The following FBN1 variants were observed in gnomAD, a reference collection of about 807,000 sequenced individuals.
FBN1 encodes the protein fibrillin-1.
Under a neutral mutation model 365.1 loss-of-function variants are expected in FBN1, and 29 were observed. That is an observed-to-expected ratio of 0.08 (90% CI 0.06 to 0.11). The LOEUF (loss-of-function observed/expected upper bound fraction) is 0.11. Ranked by LOEUF, FBN1 falls within the 10% of genes least tolerant of loss-of-function variation. The pLI is 1.00. For missense variants in FBN1, 2,476 were observed against 3,703.2 expected (o/e 0.67, Z 8.60); for synonymous variants, 1,210 against 1,270.5 (o/e 0.95, Z 1.01).
chr15:48,589,554 G>C (rs1007133244), intron 6 of FBN1, among the ~76,000 whole-genome samples: 5 of 151,302 alleles, frequency 3.3e-5, no homozygotes, highest in East Asian at 1.9e-4. Flanking sequence ...TACCACTGTA[G>C]ACGCACAGTA....
At chr15:48,563,451 T>G (rs2044238918) in intron 6 of FBN1, among the ~76,000 whole-genome samples, 1 of 152,170 alleles carries the variant, frequency 6.6e-6, no homozygotes, top group Admixed American at 6.5e-5. Context: ...AAACCCTATC[T>G]ATTAAATCTG....
In FBN1 at chr15:48,420,825, C is replaced by T; in HGVS notation, c.7700-19G>A. 6.2e-7 allele frequency: 1 copy of T among 1,612,894 alleles called. No individual in the cohort carries two copies. ...TCCACGTCTGAAAAAGAAGCAGAGC[C>T]ACCATGATGCCAACTCAACATCTCT... On this transcript the variant is annotated intron_variant, in intron 62 of 65. Coordinates refer to ENST00000316623, the MANE Select transcript of FBN1 (RefSeq NM_000138.5).
chr15:48,459,026 T>C (rs2043261979), intron 43 of FBN1, among the ~76,000 whole-genome samples: 1 of 152,186 alleles, frequency 6.6e-6, no homozygotes, highest in African/African-American at 2.4e-5. Flanking sequence ...CTTGGGTGAG[T>C]CCCTTCCCCT....
intron 6 of FBN1, among the ~76,000 whole-genome samples, chr15:48,563,027 A>AT (rs2044235562): frequency 6.6e-6 from 1 of 152,156 alleles, no homozygotes; most frequent in Non-Finnish European, 1.5e-5. Flanking sequence ...AGCACAGACT[A>AT]TGTCTTCAAT....
intron 50 of FBN1, among the ~76,000 whole-genome samples, chr15:48,439,105 A>G (rs2043094016): frequency 6.6e-6 from 1 of 152,236 alleles, no homozygotes; most frequent in East Asian, 1.9e-4. Flanking sequence ...CATGACAAAG[A>G]AGACAATGTA....
intron 8 of FBN1, among the ~76,000 whole-genome samples, chr15:48,526,880 G>A (rs1034118690): frequency 5.3e-5 from 8 of 152,200 alleles, no homozygotes; most frequent in Admixed American, 5.2e-4. Context: ...TGGGAATACT[G>A]TCAACACACG....
At position 48,433,069 on chromosome 15, in the gene FBN1, A is replaced by C. The variant is rs530170946; in HGVS notation, c.6617-81T>G. On this transcript the variant is annotated intron_variant, in intron 54 of 65. Coordinates refer to ENST00000316623, the MANE Select transcript of FBN1 (RefSeq NM_000138.5). ...CTACCAATTGAACTAAAACTCTAAA[A>C]CTTTACCAAAAGTTGCAATGCTTCA... The C allele has an allele frequency of 6.7e-5, 103 of 1,526,878 alleles. No individual in the cohort carries two copies. In the African/African-American group the frequency reaches 1.1e-3, roughly 17 times the overall value. The allele number at this position is 1,526,878 out of a possible 1,614,324, so 94.6% of individuals were successfully genotyped here. A position where few individuals can be genotyped will look rare whatever the true frequency, so the allele number is the denominator to read the frequency against.
chr15:48,577,029 T>C (rs2044353324), intron 6 of FBN1, among the ~76,000 whole-genome samples: 1 of 152,202 alleles, frequency 6.6e-6, no homozygotes, highest in Non-Finnish European at 1.5e-5. Context: ...TAGCAATTCT[T>C]TTAGAACTCA....
rs1597540854 is a variant in FBN1 at position 48,456,681 on chromosome 15, C to T, written c.5378G>A (p.Cys1793Tyr). 6.2e-7 allele frequency: 1 copy of T among 1,614,004 alleles called. No individual in the cohort carries two copies. The highest frequency in any genetic ancestry group is 8.5e-7 in the Non-Finnish European group (1 of 1,179,918). ...INMVGSFRCE[C>Y]PVGFFYNDKL... ...GTCATTATAGAAGAATCCCACTGGA[C>T]ATTCACATCGGAAGCTGCCAACCAT... Residue 1793 changes from cysteine to tyrosine, a missense_variant, in exon 44 of 66, where the codon TGT becomes TAT. Physicochemically the swap from Cys to Tyr is radical, Grantham distance 194 (BLOSUM62 -2). Around this residue, in one of 5 missense-constraint regions of FBN1, gnomAD observed 1,780 missense variants for 2,840.8 expected, o/e 0.63. Transcript: ENST00000316623.
At chr15:48,614,886 G>A (rs1392194409) in intron 2 of FBN1, among the ~76,000 whole-genome samples, 3 of 152,136 alleles carry the variant, frequency 2.0e-5, no homozygotes, top group Non-Finnish European at 4.4e-5. Flanking sequence ...TCAGCCAGTG[G>A]AAACACAAGG....
chr15:48,527,147 T>A (rs958245971), intron 8 of FBN1, among the ~76,000 whole-genome samples: 5 of 152,324 alleles, frequency 3.3e-5, no homozygotes, highest in Admixed American at 3.3e-4. Flanking sequence ...CCTCTTCTCT[T>A]CTGCAGGTGT....
intron 6 of FBN1, among the ~76,000 whole-genome samples, chr15:48,570,315 AT>A (rs1387548653): frequency 1.3e-5 from 2 of 152,240 alleles, no homozygotes; most frequent in Admixed American, 1.3e-4. Flanking sequence ...CCTCATTAAC[AT>A]CACGTTCTAG....
Position 48,520,683 on chromosome 15 carries a change from C to G in FBN1, c.1123G>C (p.Glu375Gln). 6.2e-7 allele frequency: 1 copy of G among 1,614,122 alleles called. No individual in the cohort carries two copies. Among genetic ancestry groups the G allele is most frequent in the South Asian group, 1.1e-5 (1 of 91,080 alleles). Residue 375 changes from glutamate (E) to glutamine (Q), a missense_variant, in exon 10 of 66, where the codon GAG (glutamate) becomes CAG (glutamine). By Grantham distance (29) the Glu-to-Gln change is conservative. This residue lies in a region of FBN1 where 421 missense variants were observed against 520.1 expected (regional missense o/e 0.81). Transcript: ENST00000316623. ...CCGGTTGCTCTGATGGGACACATCT[C>G]AGGGGCGACAGTGACCCCTGGAGAC... is the stretch of plus-strand genomic sequence containing the variant. The part of the protein sequence containing the change: ...CWSPGVTVAP[E>Q]MCPIRATEDF...
chr15:48,527,381 G>A (rs1464641611), intron 8 of FBN1, among the ~76,000 whole-genome samples: 1 of 152,212 alleles, frequency 6.6e-6, no homozygotes, highest in African/African-American at 2.4e-5. Context: ...AAAAATGACA[G>A]CTTCCTTCTT....
chr15:48,466,647 C>A (rs993731605), intron 38 of FBN1, among the ~76,000 whole-genome samples: 7 of 152,096 alleles, frequency 4.6e-5, no homozygotes. Flanking sequence ...ATTATATGTA[C>A]ACATGCCTAT....
intron 2 of FBN1, chr15:48,640,997 T>A (rs1890187883): frequency 6.6e-6 from 1 of 152,184 alleles, no homozygotes; most frequent in South Asian, 2.1e-4. Context: ...AATAGCGTTA[T>A]GATTTTATTA....
chr15:48,449,466 C>A (rs1382606268), intron 45 of FBN1, among the ~76,000 whole-genome samples: 1 of 152,176 alleles, frequency 6.6e-6, no homozygotes, highest in Non-Finnish European at 1.5e-5. Flanking sequence ...CATGTGACAA[C>A]CTGAACACTG....
chr15:48,578,062 T>A (rs1290765907), intron 6 of FBN1, among the ~76,000 whole-genome samples: 1 of 152,172 alleles, frequency 6.6e-6, no homozygotes, highest in Non-Finnish European at 1.5e-5. Flanking sequence ...AATTGAAGAT[T>A]GGCATATGTA....
chr15:48,492,715 T>A, intron 23 of FBN1, 129 bp from the exon 24 acceptor site: 1 of 754,434 alleles, frequency 1.3e-6, no homozygotes, highest in Non-Finnish European at 2.2e-6. Context: ...TGCCTACAAG[T>A]AGTTTGTGTA....
Sources: allele counts gnomAD v4.1 joint callset (sites outside exome capture counted in the v4.1 genomes callset), GRCh38; gene constraint gnomAD v4.1.1; regional missense constraint gnomAD v4.1.1; transcripts MANE v1.5; gene names NCBI Gene and HGNC (gene_info 2026-07-23, HGNC 2026-07-21).